SLC25A13: variants seen among roughly 807,000 people sequenced by gnomAD.
SLC25A13 encodes the protein electrogenic aspartate/glutamate antiporter SLC25A13, mitochondrial.
Under a neutral mutation model 85.5 loss-of-function variants are expected in SLC25A13, and 70 were observed. The ratio of observed to expected loss-of-function variants is 0.82; its 90% CI spans 0.68 to 1.00. The LOEUF (loss-of-function observed/expected upper bound fraction) is 1.00. Among genes scored for constraint, SLC25A13 ranks in the 50% least tolerant of loss-of-function variants. The pLI is 0.00. For missense variants in SLC25A13, 765 were observed against 819.8 expected, an observed-to-expected ratio of 0.93 and a Z score of 0.82; for synonymous variants, 259 against 288.7, an observed-to-expected ratio of 0.90 and a Z score of 1.04.
At chr7:96,274,511 G>A (rs545333921) in intron 3 of SLC25A13, among the ~76,000 whole-genome samples, 1 of 152,160 alleles carries the variant, frequency 6.6e-6, no homozygotes, top group African/African-American at 2.4e-5. Flanking sequence ...TCTTTAGTTT[G>A]ATTAGATCCC....
At chr7:96,289,318 C>A (rs993201281) in intron 2 of SLC25A13, among the ~76,000 whole-genome samples, 1 of 152,162 alleles carries the variant, frequency 6.6e-6, no homozygotes, top group Non-Finnish European at 1.5e-5. Context: ...AAAAACAGAG[C>A]AGAAAAGCTG....
At position 96,120,309 on chromosome 7, in the gene SLC25A13, A is replaced by G. The variant is rs1000321673; in HGVS notation, c.*882T>C. The G allele has an allele frequency of 4.8e-5, 22 of 454,000 alleles. No homozygotes were observed. In the Admixed American group the frequency reaches 4.9e-4, roughly 10 times the overall value. 28.1% of individuals were successfully genotyped at this position (454,000 alleles called of 1,614,324 possible). On this transcript the variant is annotated 3_prime_UTR_variant, in exon 18 of 18. Coordinates refer to ENST00000265631, the MANE Select transcript of SLC25A13 (RefSeq NM_014251.3). ...AACATGAATTAAATACTTATGTCAG[A>G]ACATATTTGTCTTACATTATTCAAG...
intron 5 of SLC25A13, among the ~76,000 whole-genome samples, chr7:96,196,196 C>G (rs1036335280): frequency 2.0e-5 from 3 of 152,182 alleles, no homozygotes; most frequent in African/African-American, 7.2e-5. Context: ...GTTAAACACC[C>G]TGTAGTGAAA....
chr7:96,276,417 T>C (rs193285045), intron 3 of SLC25A13, among the ~76,000 whole-genome samples: 1 of 151,792 alleles, frequency 6.6e-6, no homozygotes, highest in East Asian at 1.9e-4. Flanking sequence ...AGCCCAGGAG[T>C]TTGAGACCAG....
chr7:96,205,364 G>C (rs1795420176), intron 5 of SLC25A13, among the ~76,000 whole-genome samples: 1 of 152,208 alleles, frequency 6.6e-6, no homozygotes, highest in Non-Finnish European at 1.5e-5. Flanking sequence ...GACATACGTG[G>C]AGAGGTTTAC....
At chr7:96,187,446 G>C (rs1446250473) in intron 9 of SLC25A13, among the ~76,000 whole-genome samples, 4 of 152,120 alleles carry the variant, frequency 2.6e-5, no homozygotes, top group Non-Finnish European at 4.4e-5. Context: ...CAAATTCTAT[G>C]AGTTGTTTCC....
chr7:96,299,774 T>C (rs868156113), intron 1 of SLC25A13, among the ~76,000 whole-genome samples: 1 of 152,226 alleles, frequency 6.6e-6, no homozygotes, highest in South Asian at 2.1e-4. Flanking sequence ...TATACAAACC[T>C]AGATGGTGTA....
intron 9 of SLC25A13, among the ~76,000 whole-genome samples, chr7:96,187,486 T>C (rs1361497030): frequency 1.3e-5 from 2 of 152,338 alleles, no homozygotes; most frequent in South Asian, 2.1e-4. Context: ...TGGAAATCAA[T>C]AGTACCTTCA....
chr7:96,245,584 T>G (rs539293536), intron 3 of SLC25A13, among the ~76,000 whole-genome samples: 1 of 152,254 alleles, frequency 6.6e-6, no homozygotes, highest in Admixed American at 6.5e-5. Context: ...GTTCCTATTT[T>G]GTATAATTAC....
At chr7:96,297,399 T>C (rs1799387871) in intron 1 of SLC25A13, among the ~76,000 whole-genome samples, 1 of 151,940 alleles carries the variant, frequency 6.6e-6, no homozygotes, top group Non-Finnish European at 1.5e-5. Flanking sequence ...AGTGGTGCAA[T>C]CTCGGCTCAC....
At chr7:96,161,799 T>C (rs1243321203) in intron 13 of SLC25A13, among the ~76,000 whole-genome samples, 1 of 152,204 alleles carries the variant, frequency 6.6e-6, no homozygotes, top group Non-Finnish European at 1.5e-5. Flanking sequence ...ATCTTTAATA[T>C]GGTCTTACAT....
At chr7:96,197,802 G>A (rs2116679991) in intron 5 of SLC25A13, among the ~76,000 whole-genome samples, 1 of 152,222 alleles carries the variant, frequency 6.6e-6, no homozygotes, top group South Asian at 2.1e-4. Context: ...CAGAGGAGGG[G>A]AGAACAATAT....
At chr7:96,199,999 A>T (rs1795193734) in intron 5 of SLC25A13, among the ~76,000 whole-genome samples, 1 of 152,060 alleles carries the variant, frequency 6.6e-6, no homozygotes, top group Non-Finnish European at 1.5e-5. Context: ...GAACAACAAC[A>T]ACAATGACAA....
chr7:96,234,019 T>A (rs910372328), intron 4 of SLC25A13, among the ~76,000 whole-genome samples: 1 of 152,204 alleles, frequency 6.6e-6, no homozygotes, highest in Non-Finnish European at 1.5e-5. Flanking sequence ...AAATTCTTCA[T>A]GAGCAATGCT....
At chr7:96,138,942 C>G (rs567075446) in intron 14 of SLC25A13, among the ~76,000 whole-genome samples, 237 of 152,220 alleles carry the variant, frequency 1.6e-3, no homozygotes, top group African/African-American at 5.3e-3. Flanking sequence ...GAAGACCTGG[C>G]CTGGAGAGGT....
rs1220401209 is a variant in SLC25A13 at position 96,121,363 on chromosome 7, G to C, written c.1856C>G (p.Ser619Ter). 1 of 1,614,060 alleles carries C rather than the reference G, an allele frequency of 6.2e-7. No homozygotes were observed. The highest frequency in any genetic ancestry group is 8.5e-7 in the Non-Finnish European group (1 of 1,180,018). Reference protein sequence around the residue: ...IDFGGVKPMGSEPVPKSRINL... With the variant: ...IDFGGVKPMG ...GATCCTGGATTTAGGAACTGGCTCT[G>C]ATCCCATGGGTTTTCTAAAAGAAGA... The change falls in exon 18 of 18, where the codon TCA becomes TGA. Residue 619 changes from serine (S) to a stop codon, truncating the protein, a stop_gained. Transcript: ENST00000265631. LOFTEE classifies it high-confidence loss of function.
At chr7:96,260,535 T>G (rs894464430) in intron 3 of SLC25A13, among the ~76,000 whole-genome samples, 2 of 152,142 alleles carry the variant, frequency 1.3e-5, no homozygotes, top group African/African-American at 4.8e-5. Flanking sequence ...AAATAAGTAA[T>G]TACATTGACT....
At chr7:96,195,574 C>G (rs976275322) in intron 5 of SLC25A13, among the ~76,000 whole-genome samples, 1 of 152,130 alleles carries the variant, frequency 6.6e-6, no homozygotes, top group Non-Finnish European at 1.5e-5. Context: ...CCCTCCCCCT[C>G]CATGGAAATC....
chr7:96,211,187 A>T (rs182634246), intron 4 of SLC25A13, among the ~76,000 whole-genome samples: 18 of 152,298 alleles, frequency 1.2e-4, no homozygotes, highest in Admixed American at 2.6e-4. Flanking sequence ...AATTAAAGTA[A>T]CTACCATTTA....
Sources: gnomAD v4.1 joint callset for allele counts (sites outside exome capture counted in the v4.1 genomes callset) on GRCh38, gnomAD v4.1.1 for gene constraint, MANE v1.5 for transcripts, NCBI Gene and HGNC (gene_info 2026-07-23, HGNC 2026-07-21) for gene names.